Variants in TNFSF13B observed in about 807,000 individuals in gnomAD.
TNFSF13B encodes the protein TNF superfamily member 13b, also known as tumor necrosis factor ligand superfamily member 13B.
Under a neutral mutation model 29.1 loss-of-function variants are expected in TNFSF13B, and 8 were observed. The observed-to-expected ratio is 0.27, with a 90% CI of 0.16 to 0.50. TNFSF13B has a LOEUF of 0.50. Among genes scored for constraint, TNFSF13B ranks in the 20% least tolerant of loss-of-function variants. The probability of loss-of-function intolerance (pLI) is 0.98; values close to 1 mark genes in which losing one functional copy is unlikely to be tolerated. For synonymous variants in TNFSF13B, 125 were observed against 130.8 expected, an observed-to-expected ratio of 0.96 and a Z score of 0.30; for missense variants, 248 against 334.9, an observed-to-expected ratio of 0.74 and a Z score of 2.03.
intron 2 of TNFSF13B, among the ~76,000 whole-genome samples, chr13:108,271,692 G>T (rs16972201): frequency 6.6e-6 from 1 of 151,728 alleles, no homozygotes; most frequent in Non-Finnish European, 1.5e-5. Context: ...TATTTTTATC[G>T]TCTGCATTTT....
At chr13:108,272,119 C>A (rs928982617) in intron 2 of TNFSF13B, among the ~76,000 whole-genome samples, 2 of 152,078 alleles carry the variant, frequency 1.3e-5, no homozygotes, top group Non-Finnish European at 2.9e-5. Context: ...AGTTGTAAAA[C>A]AATATCTCAC....
intron 3 of TNFSF13B, among the ~76,000 whole-genome samples, chr13:108,293,392 GT>G (rs1361363503): frequency 2.0e-5 from 3 of 152,074 alleles, no homozygotes; most frequent in African/African-American, 7.2e-5. Context: ...TTTTAAGATT[GT>G]TTTGGCTATT....
At chr13:108,279,135 T>G (rs1033811664) in intron 2 of TNFSF13B, among the ~76,000 whole-genome samples, 1 of 152,212 alleles carries the variant, frequency 6.6e-6, no homozygotes, top group Admixed American at 6.5e-5. Flanking sequence ...TGACTGGTTT[T>G]TAAGAATTGT....
intron 2 of TNFSF13B, among the ~76,000 whole-genome samples, chr13:108,273,043 T>A (rs772625945): frequency 3.3e-5 from 5 of 152,136 alleles, no homozygotes; most frequent in Admixed American, 2.0e-4. Flanking sequence ...AATTTGCAAT[T>A]TGTAGATTCT....
At chr13:108,281,363 G>A (rs1402349135) in intron 2 of TNFSF13B, among the ~76,000 whole-genome samples, 1 of 152,056 alleles carries the variant, frequency 6.6e-6, no homozygotes, top group East Asian at 1.9e-4. Flanking sequence ...AAAATACCCA[G>A]CACCCCTTTC....
At chr13:108,293,659 C>G (rs752491064) in intron 3 of TNFSF13B, among the ~76,000 whole-genome samples, 1 of 152,238 alleles carries the variant, frequency 6.6e-6, no homozygotes, top group South Asian at 2.1e-4. Context: ...AAATTTACTT[C>G]TAGGTGTTAT....
chr13:108,274,955 G>A (rs1472447398), intron 2 of TNFSF13B, among the ~76,000 whole-genome samples: 4 of 152,068 alleles, frequency 2.6e-5, no homozygotes, highest in South Asian at 2.1e-4. Context: ...TTTACTTAAT[G>A]TTTTAATTTT....
At chr13:108,291,184 C>T (rs1020664147) in intron 3 of TNFSF13B, among the ~76,000 whole-genome samples, 8 of 151,542 alleles carry the variant, frequency 5.3e-5, no homozygotes, top group Non-Finnish European at 1.0e-4. Context: ...TTAATTCACT[C>T]ATTTTTTCTT....
rs1048209273 is a variant in TNFSF13B, at chr13:108,295,176, G to A, written c.482-8077G>A. Among the ~76,000 whole-genome samples the A allele has an allele frequency of 1.3e-4, 18 of 143,670 alleles. 3 individuals carry two copies. Among genetic ancestry groups the A allele is most frequent in the African/African-American group, 2.1e-4 (8 of 38,070 alleles). The allele number at this position is 143,670 out of a possible 152,430, so 94.3% of individuals were successfully genotyped here. A position where few individuals can be genotyped will look rare whatever the true frequency, so the allele number is the denominator to read the frequency against. ...AACCAGTTTTCAGTGTTATTGTTTC[G>A]TCTTTTTCTGTTCTTTTTTTGAGAT... On this transcript the variant is annotated intron_variant, in intron 3 of 5. Transcript: ENST00000375887.
At chr13:108,281,192 G>C (rs1880943399) in intron 2 of TNFSF13B, among the ~76,000 whole-genome samples, 1 of 152,138 alleles carries the variant, frequency 6.6e-6, no homozygotes, top group Non-Finnish European at 1.5e-5. Flanking sequence ...AATGAGCCAA[G>C]ATTGTGCCAT....
At chr13:108,282,102 G>T (rs1362673529) in intron 2 of TNFSF13B, among the ~76,000 whole-genome samples, 2 of 152,186 alleles carry the variant, frequency 1.3e-5, no homozygotes, top group East Asian at 3.9e-4. Context: ...TAAATAAGAT[G>T]ACAGGAAAAA....
chr13:108,301,772 A>G (rs1363989733), intron 3 of TNFSF13B, among the ~76,000 whole-genome samples: 2 of 152,166 alleles, frequency 1.3e-5, no homozygotes, highest in Non-Finnish European at 2.9e-5. Context: ...GAAAAATGCT[A>G]AATGAGTAGA....
At position 108,307,116 on chromosome 13, in the gene TNFSF13B, T is replaced by G. The variant is rs1293296410; in HGVS notation, c.*178T>G. On this transcript the variant is annotated 3_prime_UTR_variant, in exon 6 of 6. Transcript: ENST00000375887. The stretch of plus-strand genomic sequence containing the variant: ...CTGAAACTAGTCCAAAACAGGAAAT[T>G]TAACAGACAGCCACAGCCAAAGAGT... 3 of 518,490 alleles carry G rather than the reference T, an allele frequency of 5.8e-6. No homozygotes were observed. The highest frequency in any genetic ancestry group is 1.0e-5 in the Non-Finnish European group (3 of 301,110). The allele number at this position is 518,490 out of a possible 1,614,324, so 32.1% of individuals were successfully genotyped here.
At position 108,269,781 on chromosome 13, in the gene TNFSF13B, C is replaced by G; in HGVS notation, c.-115C>G. On this transcript the variant is annotated 5_prime_UTR_variant, in exon 1 of 6. Coordinates refer to ENST00000375887, the MANE Select transcript of TNFSF13B (RefSeq NM_006573.5). Reference sequence around the variant, plus strand: ...AGGATAACTCTCCTGAGGGGTGAGCCAAGCCCTGCCATGTAGTGCACGCAG... The same window carrying G: ...AGGATAACTCTCCTGAGGGGTGAGCGAAGCCCTGCCATGTAGTGCACGCAG... The G allele has an allele frequency of 1.0e-6, 1 of 1,001,554 alleles. No homozygotes were observed. The highest frequency in any genetic ancestry group is 1.5e-6 in the Non-Finnish European group (1 of 678,710). 62.0% of individuals were successfully genotyped at this position (1,001,554 alleles called of 1,614,324 possible).
At chr13:108,288,901 T>C (rs1881221576) in intron 3 of TNFSF13B, among the ~76,000 whole-genome samples, 2 of 152,056 alleles carry the variant, frequency 1.3e-5, no homozygotes, top group African/African-American at 4.8e-5. Flanking sequence ...TGAATGTGAG[T>C]TGGCACTGGT....
chr13:108,284,417 C>A (rs1881064240), intron 2 of TNFSF13B, among the ~76,000 whole-genome samples: 1 of 152,150 alleles, frequency 6.6e-6, no homozygotes, highest in Non-Finnish European at 1.5e-5. Context: ...AATAGGAAGT[C>A]ATACATTCTG....
intron 3 of TNFSF13B, among the ~76,000 whole-genome samples, chr13:108,289,771 A>G (rs1045686106): frequency 6.6e-6 from 1 of 151,842 alleles, no homozygotes; most frequent in African/African-American, 2.4e-5. Context: ...TTCATCTGAT[A>G]TTTTGAGTTC....
chr13:108,273,266 A>G (rs920110328), intron 2 of TNFSF13B, among the ~76,000 whole-genome samples: 2 of 152,122 alleles, frequency 1.3e-5, no homozygotes, highest in Non-Finnish European at 2.9e-5. Context: ...TTGGAAAATT[A>G]TCTGTAGATT....
Position 108,307,015 on chromosome 13 carries a change from CCAAAAAAAAAAAAAA to C in TNFSF13B, c.*78_*92del. On this transcript the variant is annotated 3_prime_UTR_variant, in exon 6 of 6. Coordinates refer to ENST00000375887, the MANE Select transcript of TNFSF13B (RefSeq NM_006573.5). ...AGAAGAAAGAATCTAACTGAAAATA[CCAAAAAAAAAAAAAA>C]AAAAAAAAAAAAAAAAAGTAGTTAC... 1.4e-4 allele frequency: 3 copies of C among 21,658 alleles called. No homozygotes were observed. Among genetic ancestry groups the C allele is most frequent in the Non-Finnish European group, 2.5e-4 (3 of 11,780 alleles). The allele number at this position is 21,658 out of a possible 1,614,324, so 1.3% of individuals were successfully genotyped here. A position where few individuals can be genotyped will look rare whatever the true frequency, so the allele number is the denominator to read the frequency against.
Sources: allele counts gnomAD v4.1 joint callset (sites outside exome capture counted in the v4.1 genomes callset), GRCh38; gene constraint gnomAD v4.1.1; transcripts MANE v1.5; gene names NCBI Gene and HGNC (gene_info 2026-07-23, HGNC 2026-07-21).